Variants in KIAA0040 observed in about 807,000 individuals in gnomAD.
The protein encoded by KIAA0040 is KIAA0040.
KIAA0040 carries 10 observed loss-of-function variants against 7.2 expected under a neutral mutation model. The observed-to-expected ratio is 1.38, with a 90% CI of 0.85 to 2.34. The LOEUF is 2.34. KIAA0040 is among the 30% of genes most tolerant of loss of function. KIAA0040 has a pLI of 0.00. For missense variants in KIAA0040, 89 were observed against 108.2 expected, an observed-to-expected ratio of 0.82 and a Z score of 0.79; for synonymous variants, 49 against 40.1, an observed-to-expected ratio of 1.22 and a Z score of -0.84.
At position 175,177,697 on chromosome 1, in the gene KIAA0040, A is replaced by C. The variant is rs1677258098; in HGVS notation, c.-383-13T>G. 6.6e-6 allele frequency: 1 copy of C among 152,242 alleles called. No homozygotes were observed. Among genetic ancestry groups the C allele is most frequent in the South Asian group, 2.1e-4 (1 of 4,832 alleles). The allele number at this position is 152,242 out of a possible 1,614,324, so 9.4% of individuals were successfully genotyped here. A position where few individuals can be genotyped will look rare whatever the true frequency, so the allele number is the denominator to read the frequency against. ...AATGGGGAACAATCTAGAAGAATAC[A>C]CAAGAAAATGATAGCATGTACTGCC... On this transcript the variant is annotated splice_polypyrimidine_tract_variant and intron_variant, in intron 1 of 3. Transcript: ENST00000423313.
At chr1:175,191,432 GAC>G (rs1336078490) in intron 1 of KIAA0040, among the ~76,000 whole-genome samples, 4 of 152,216 alleles carry the variant, frequency 2.6e-5, no homozygotes, top group African/African-American at 9.6e-5. Flanking sequence ...CTGGGATGGG[GAC>G]AGAGAGGCAG....
chr1:175,180,134 T>C (rs1181385353), intron 1 of KIAA0040, among the ~76,000 whole-genome samples: 1 of 152,196 alleles, frequency 6.6e-6, no homozygotes, highest in Non-Finnish European at 1.5e-5. Flanking sequence ...GAAACCTTCC[T>C]TGACCTCATT....
At chr1:175,167,517 A>G (rs1246737918) in intron 2 of KIAA0040, among the ~76,000 whole-genome samples, 2 of 152,218 alleles carry the variant, frequency 1.3e-5, no homozygotes, top group Non-Finnish European at 2.9e-5. Flanking sequence ...GCAGCCCCAC[A>G]CCACAGGACC....
At chr1:175,171,679 G>A (rs2101890073) in intron 2 of KIAA0040, among the ~76,000 whole-genome samples, 1 of 152,306 alleles carries the variant, frequency 6.6e-6, no homozygotes, top group Middle Eastern at 3.4e-3. Context: ...ATAGAAAGTG[G>A]GGGCAGGGGT....
At chr1:175,182,984 C>T (rs1046538448) in intron 1 of KIAA0040, among the ~76,000 whole-genome samples, 3 of 152,172 alleles carry the variant, frequency 2.0e-5, no homozygotes, top group African/African-American at 4.8e-5. Context: ...GATGGAAAGA[C>T]GCCACTGTTC....
Position 175,160,370 on chromosome 1 carries a change from T to C in KIAA0040, c.*344A>G. 1 of 245,416 alleles carries C rather than the reference T, an allele frequency of 4.1e-6. No homozygotes were observed. Among genetic ancestry groups the C allele is most frequent in the Non-Finnish European group, 7.9e-6 (1 of 126,578 alleles). 15.2% of individuals were successfully genotyped at this position (245,416 alleles called of 1,614,324 possible). Reference sequence around the variant, plus strand: ...TACCTGAATTTGTGTGTGTGTGTGTTACGTGCATGTGCACACACTTGGGAA... The same window carrying C: ...TACCTGAATTTGTGTGTGTGTGTGTCACGTGCATGTGCACACACTTGGGAA... On this transcript the variant is annotated 3_prime_UTR_variant, in exon 4 of 4. Coordinates refer to ENST00000423313, the MANE Select transcript of KIAA0040 (RefSeq NM_014656.3).
At chr1:175,176,706 A>G (rs561641191) in intron 2 of KIAA0040, among the ~76,000 whole-genome samples, 121 of 20,942 alleles carry the variant, frequency 5.8e-3, no homozygotes, top group African/African-American at 0.013. Flanking sequence ...TTTTTGCTTC[A>G]GCACCTTCTT....
intron 1 of KIAA0040, among the ~76,000 whole-genome samples, chr1:175,184,213 A>G (rs1370551003): frequency 3.3e-5 from 5 of 152,216 alleles, no homozygotes; most frequent in South Asian, 2.1e-4. Flanking sequence ...AAGATACTGT[A>G]TAGCCATACG....
chr1:175,192,260 T>G (rs1275469266), intron 1 of KIAA0040, among the ~76,000 whole-genome samples: 2 of 152,324 alleles, frequency 1.3e-5, no homozygotes. Context: ...CTAGAATGGT[T>G]TAGAAACACC....
At chr1:175,165,981 A>G (rs1190496781) in intron 3 of KIAA0040, among the ~76,000 whole-genome samples, 2 of 152,232 alleles carry the variant, frequency 1.3e-5, no homozygotes, top group Non-Finnish European at 2.9e-5. Context: ...GGAAAGGTTA[A>G]TAATAAGGAT....
At chr1:175,192,367 C>T (rs1571224290) in intron 1 of KIAA0040, among the ~76,000 whole-genome samples, 1 of 152,162 alleles carries the variant, frequency 6.6e-6, no homozygotes, top group Non-Finnish European at 1.5e-5. Context: ...CTACCGGCAG[C>T]TGGAGTAAGG....
At chr1:175,175,854 C>T (rs1571203996) in intron 2 of KIAA0040, among the ~76,000 whole-genome samples, 2 of 151,792 alleles carry the variant, frequency 1.3e-5, no homozygotes, top group East Asian at 3.9e-4. Flanking sequence ...GGAAGGGGAA[C>T]ATCACACACT....
At chr1:175,163,942 C>A (rs1489221209) in intron 3 of KIAA0040, among the ~76,000 whole-genome samples, 1 of 152,054 alleles carries the variant, frequency 6.6e-6, no homozygotes, top group Non-Finnish European at 1.5e-5. Flanking sequence ...CTTGAAGATG[C>A]GTAGTATTTT....
intron 2 of KIAA0040, among the ~76,000 whole-genome samples, chr1:175,171,334 C>A (rs1395898496): frequency 6.6e-6 from 1 of 152,196 alleles, no homozygotes; most frequent in Non-Finnish European, 1.5e-5. Context: ...TCCATTAGAA[C>A]ATAAGCTCCA....
chr1:175,157,927 T>A lies in KIAA0040; in HGVS notation c.*2787A>T, dbSNP rs558636133. ...AGCAGTCTCTGGTCCTGAGGTCCCATGGGTTGCCAGTGGCAGTTCAGGGAC... is the reference window on the plus strand; with the variant it reads ...AGCAGTCTCTGGTCCTGAGGTCCCAAGGGTTGCCAGTGGCAGTTCAGGGAC... On this transcript the variant is annotated 3_prime_UTR_variant, in exon 4 of 4. Coordinates refer to ENST00000423313, the MANE Select transcript of KIAA0040 (RefSeq NM_014656.3). 76 of 152,216 alleles carry A rather than the reference T, an allele frequency of 5.0e-4. No individual in the cohort carries two copies. The highest frequency in any genetic ancestry group is 1.8e-3 in the African/African-American group (74 of 41,494). 9.4% of individuals were successfully genotyped at this position (152,216 alleles called of 1,614,324 possible).
At chr1:175,161,392 G>T (rs140121974) in intron 3 of KIAA0040, among the ~76,000 whole-genome samples, 2 of 152,248 alleles carry the variant, frequency 1.3e-5, no homozygotes, top group African/African-American at 2.4e-5. Context: ...TATCAGGTCT[G>T]GCACGTAGGA....
chr1:175,181,628 G>C lies in KIAA0040; in HGVS notation c.-383-3944C>G, dbSNP rs149904720. Among the ~76,000 whole-genome samples the C allele has an allele frequency of 1.0e-3, 152 of 152,288 alleles. 5 individuals carry two copies. The East Asian group carries it at 0.026, about 26-fold the overall frequency. On this transcript the variant is annotated intron_variant, in intron 1 of 3. Transcript: ENST00000423313. The stretch of plus-strand genomic sequence containing the variant: ...TTACTTTTTTGTTGTTGGGGAACTG[G>C]ACAAGCACAGGCGAAGTACCATAAG...
chr1:175,165,508 C>T (rs916330567), intron 3 of KIAA0040, among the ~76,000 whole-genome samples: 1 of 152,202 alleles, frequency 6.6e-6, no homozygotes, highest in Non-Finnish European at 1.5e-5. Flanking sequence ...AACCATGGGT[C>T]CCCACCGCAT....
intron 1 of KIAA0040, among the ~76,000 whole-genome samples, chr1:175,188,765 T>C (rs896997176): frequency 6.6e-6 from 1 of 152,152 alleles, no homozygotes; most frequent in Non-Finnish European, 1.5e-5. Flanking sequence ...GGTATGGAGG[T>C]TGCCTTAAAA....
Sources: allele counts gnomAD v4.1 joint callset (sites outside exome capture counted in the v4.1 genomes callset), GRCh38; gene constraint gnomAD v4.1.1; transcripts MANE v1.5; gene names NCBI Gene and HGNC (gene_info 2026-07-23, HGNC 2026-07-21).